GPR176: variants seen among roughly 807,000 people sequenced by gnomAD.
The protein encoded by GPR176 is G-protein coupled receptor 176.
GPR176 carries 26 observed loss-of-function variants against 35.4 expected under a neutral mutation model. The observed-to-expected ratio is 0.74, with a 90% CI of 0.54 to 1.02. The LOEUF is 1.02. GPR176 is among the 50% of genes least tolerant of loss of function. The probability of loss-of-function intolerance (pLI) is 0.00; values close to 1 mark genes in which losing one functional copy is unlikely to be tolerated. For synonymous variants in GPR176, 278 were observed against 271.3 expected, an observed-to-expected ratio of 1.02 and a Z score of -0.24; for missense variants, 597 against 665.3, an observed-to-expected ratio of 0.90 and a Z score of 1.13.
At chr15:39,904,663 G>A (rs1198892808) in intron 1 of GPR176, among the ~76,000 whole-genome samples, 1 of 152,220 alleles carries the variant, frequency 6.6e-6, no homozygotes, top group East Asian at 1.9e-4. Context: ...TGAGAAACCT[G>A]AAGAGCAAGA....
chr15:39,851,558 G>A (rs1487947929), intron 1 of GPR176, among the ~76,000 whole-genome samples: 3 of 152,130 alleles, frequency 2.0e-5, no homozygotes, highest in Non-Finnish European at 2.9e-5. Flanking sequence ...TATTTGCCCT[G>A]AGACACATGA....
At chr15:39,893,402 G>C (rs992404058) in intron 1 of GPR176, among the ~76,000 whole-genome samples, 1 of 152,034 alleles carries the variant, frequency 6.6e-6, no homozygotes, top group Non-Finnish European at 1.5e-5. Context: ...ACATGTTTCA[G>C]AGAGCACAGG....
chr15:39,823,826 C>A (rs1900438026), intron 1 of GPR176, among the ~76,000 whole-genome samples: 1 of 152,188 alleles, frequency 6.6e-6, no homozygotes. Context: ...TGAATGGTGC[C>A]CCCTAGAGTA....
rs1376837841 is a variant in GPR176 at position 39,801,265 on chromosome 15, T to C, written c.1415A>G (p.Lys472Arg). 1.2e-6 allele frequency: 2 copies of C among 1,614,192 alleles called. No homozygotes were observed. The highest frequency in any genetic ancestry group is 4.5e-5 in the East Asian group (2 of 44,880). Residue 472 changes from lysine to arginine, a missense_variant, in exon 3 of 3, where the codon AAG becomes AGG. Physicochemically the swap from Lys to Arg is conservative, Grantham distance 26. This residue lies in a region of GPR176 where 251 missense variants were observed against 255.4 expected (regional missense o/e 0.98). Coordinates refer to ENST00000561100, the MANE Select transcript of GPR176 (RefSeq NM_007223.3). Reference protein sequence around the residue: ...PQWLSETRNSKKRLLPPLGNT... With the variant: ...PQWLSETRNSRKRLLPPLGNT... ...GCCCAAGGGGGGAAGCAGCCGCTTC[T>C]TGCTGTTTCGGGTCTCTGAGAGCCA...
intron 1 of GPR176, among the ~76,000 whole-genome samples, chr15:39,880,352 C>T (rs74952434): frequency 0.011 from 1,674 of 152,294 alleles, 13 homozygotes; most frequent in Middle Eastern, 0.014. Flanking sequence ...CCACAGCTCT[C>T]CTGCCACCTC....
At chr15:39,864,044 C>G (rs535319517) in intron 1 of GPR176, among the ~76,000 whole-genome samples, 6 of 152,230 alleles carry the variant, frequency 3.9e-5, no homozygotes, top group African/African-American at 1.4e-4. Context: ...TTTTTGAACT[C>G]TCAGAAAATA....
At chr15:39,863,148 C>T (rs1204687225) in intron 1 of GPR176, among the ~76,000 whole-genome samples, 1 of 151,302 alleles carries the variant, frequency 6.6e-6, no homozygotes, top group Non-Finnish European at 1.5e-5. Flanking sequence ...CAAGCTCCGA[C>T]TCCTGGGTTC....
Position 39,920,087 on chromosome 15 carries a change from C to A in GPR176, c.-61G>T. The A allele has an allele frequency of 8.5e-7, 1 of 1,180,508 alleles. No individual in the cohort carries two copies. The highest frequency in any genetic ancestry group is 1.1e-6 in the Non-Finnish European group (1 of 922,270). 73.1% of individuals were successfully genotyped at this position (1,180,508 alleles called of 1,614,324 possible). ...CCTCGGAGCCCCGCGCGGAGCCTCT[C>A]CTCCTCCGGGTGAGGAGGGACGCGC... On this transcript the variant is annotated 5_prime_UTR_variant, in exon 1 of 3. An upstream open reading frame in the 5' UTR gains an earlier in-frame stop. Transcript: ENST00000561100.
Position 39,808,101 on chromosome 15 carries a change from G to A in GPR176, c.173-843C>T, listed in dbSNP as rs74008886. Among the ~76,000 whole-genome samples, 639 of 152,136 alleles carry A rather than the reference G, an allele frequency of 4.2e-3. 1 individual carries two copies. Among genetic ancestry groups the A allele is most frequent in the Middle Eastern group, 0.01 (3 of 294 alleles). ...TTACAGAAGAGCATGGTACAGCTCCGCCCCCTCTATCCTCTCTCAATAGCC... is the reference window on the plus strand; with the variant it reads ...TTACAGAAGAGCATGGTACAGCTCCACCCCCTCTATCCTCTCTCAATAGCC... On this transcript the variant is annotated intron_variant, in intron 1 of 2. Coordinates refer to ENST00000561100, the MANE Select transcript of GPR176 (RefSeq NM_007223.3).
At chr15:39,894,322 C>T (rs1404944733) in intron 1 of GPR176, 1 of 122,360 alleles carries the variant, frequency 8.2e-6, no homozygotes, top group African/African-American at 2.8e-5. Flanking sequence ...GACCCCCCCA[C>T]CTCCCTCCCG....
chr15:39,853,080 A>G (rs2030980817), intron 1 of GPR176, among the ~76,000 whole-genome samples: 2 of 152,192 alleles, frequency 1.3e-5, no homozygotes, highest in Admixed American at 1.3e-4. Flanking sequence ...TATACAAAAG[A>G]ACTGAAATCT....
chr15:39,890,156 T>C (rs1300761752), intron 1 of GPR176, among the ~76,000 whole-genome samples: 1 of 152,202 alleles, frequency 6.6e-6, no homozygotes, highest in African/African-American at 2.4e-5. Flanking sequence ...AATTTGGGTT[T>C]TCTTAGAGAG....
intron 2 of GPR176, among the ~76,000 whole-genome samples, chr15:39,803,938 C>A (rs1428756623): frequency 6.6e-6 from 1 of 152,112 alleles, no homozygotes; most frequent in African/African-American, 2.4e-5. Flanking sequence ...AGATTTCTTT[C>A]TGGGAGGAGG....
intron 1 of GPR176, among the ~76,000 whole-genome samples, chr15:39,861,564 T>C (rs1177930544): frequency 2.0e-5 from 3 of 150,686 alleles, no homozygotes; most frequent in South Asian, 2.1e-4. Flanking sequence ...AAAAAAATCC[T>C]ATATTTTAGT....
chr15:39,831,227 T>G (rs574081042), intron 1 of GPR176, among the ~76,000 whole-genome samples: 1 of 152,300 alleles, frequency 6.6e-6, no homozygotes, highest in South Asian at 2.1e-4. Context: ...TCTCTGCATC[T>G]CCTACATTGG....
At chr15:39,807,360 G>C in intron 1 of GPR176, 102 bp from the exon 2 acceptor site, 2 of 807,716 alleles carry the variant, frequency 2.5e-6, no homozygotes, top group South Asian at 5.9e-5. Context: ...ACATTTGAGA[G>C]TTGATTTCAA....
intron 1 of GPR176, among the ~76,000 whole-genome samples, chr15:39,810,822 C>A (rs942696018): frequency 2.6e-5 from 4 of 152,224 alleles, no homozygotes; most frequent in African/African-American, 9.6e-5. Flanking sequence ...GGAACTTTTA[C>A]ACTTAGTATA....
intron 1 of GPR176, among the ~76,000 whole-genome samples, chr15:39,833,667 G>A (rs1901230645): frequency 6.6e-6 from 1 of 152,140 alleles, no homozygotes; most frequent in Admixed American, 6.6e-5. Context: ...TGAATTACAT[G>A]TCAATAAAGC....
rs141844381 is a variant in GPR176, at chr15:39,825,878, G to T, written c.173-18620C>A. On this transcript the variant is annotated intron_variant, in intron 1 of 2. Transcript: ENST00000561100. ...TTCATGGATGAGGCATCATTTTTAT[G>T]GCATATGCTTTTCCAAATGCATTAC... is the stretch of plus-strand genomic sequence containing the variant. Among the ~76,000 whole-genome samples the T allele has an allele frequency of 2.5e-3, 381 of 152,210 alleles. 1 individual carries two copies. The highest frequency in any genetic ancestry group is 2.4e-3 in the Non-Finnish European group (162 of 68,008).
Sources: allele counts gnomAD v4.1 joint callset (sites outside exome capture counted in the v4.1 genomes callset), GRCh38; gene constraint gnomAD v4.1.1; regional missense constraint gnomAD v4.1.1; transcripts MANE v1.5; gene names NCBI Gene and HGNC (gene_info 2026-07-23, HGNC 2026-07-21).